Variants in ZNF266 observed in about 807,000 individuals in gnomAD.
ZNF266 encodes the protein zinc finger protein 266.
ZNF266 carries 16 observed loss-of-function variants against 16.4 expected under a neutral mutation model. The observed-to-expected ratio is 0.98, with a 90% CI of 0.66 to 1.48. The LOEUF is 1.48. Among genes scored for constraint, ZNF266 ranks in the 40% most tolerant of loss-of-function variants. ZNF266 has a pLI of 0.00. For missense variants in ZNF266, 738 were observed against 689.1 expected, an observed-to-expected ratio of 1.07 and a Z score of -0.79; for synonymous variants, 262 against 237.9, an observed-to-expected ratio of 1.10 and a Z score of -0.93.
Position 9,433,282 on chromosome 19 carries a change from C to A in ZNF266, c.-130+386G>T, listed in dbSNP as rs76875417. The stretch of plus-strand genomic sequence containing the variant: ...GGCCCCTTCACAGCTTTTTGGCAGC[C>A]CACATTGGCAGGTGAGTTTTCTGGT... On this transcript the variant is annotated intron_variant, in intron 5 of 10. Coordinates refer to ENST00000592904, the MANE Select transcript of ZNF266 (RefSeq NM_001370374.1). 2.6e-5 allele frequency among the ~76,000 whole-genome samples: 4 copies of A among 152,208 alleles called. No individual in the cohort carries two copies. The East Asian group carries it at 7.7e-4, about 29-fold the overall frequency.
chr19:9,428,316 C>G (rs1391974368), intron 5 of ZNF266, among the ~76,000 whole-genome samples: 1 of 152,184 alleles, frequency 6.6e-6, no homozygotes, highest in Admixed American at 6.5e-5. Context: ...AATCTCAGGC[C>G]CTTGGGTCTA....
intron 5 of ZNF266, among the ~76,000 whole-genome samples, chr19:9,433,116 T>A (rs1473989245): frequency 6.6e-6 from 1 of 152,066 alleles, no homozygotes; most frequent in East Asian, 1.9e-4. Context: ...GAAACCAGAG[T>A]ACCCAGAGAA....
At position 9,413,996 on chromosome 19, in the gene ZNF266, TGAG is replaced by T. The variant is rs762301039; in HGVS notation, c.1127_1129del (p.Ser376_Gln377delinsTer). On this transcript the variant is annotated stop_gained and inframe_deletion, in exon 11 of 11. Coordinates refer to ENST00000592904, the MANE Select transcript of ZNF266 (RefSeq NM_001370374.1). LOFTEE classifies it low-confidence loss of function (END_TRUNC). ...GTGAGTTTTTAAATGTTCAGTAAGT[TGAG>T]AAGATCTAGTGAAGGCTATCCCACA... 2 of 1,614,184 alleles carry T rather than the reference TGAG, an allele frequency of 1.2e-6. No homozygotes were observed. Among genetic ancestry groups the T allele is most frequent in the East Asian group, 4.5e-5 (2 of 44,884 alleles).
chr19:9,415,342 G>A (rs114702872), intron 10 of ZNF266, among the ~76,000 whole-genome samples: 1 of 152,142 alleles, frequency 6.6e-6, no homozygotes, highest in East Asian at 1.9e-4. Context: ...GCATCCCCAG[G>A]TCATCGTATT....
Position 9,414,181 on chromosome 19 carries a change from G to C in ZNF266, c.945C>G (p.Ala315=). 6.2e-7 allele frequency: 1 copy of C among 1,613,900 alleles called. No individual in the cohort carries two copies. The highest frequency in any genetic ancestry group is 8.5e-7 in the Non-Finnish European group (1 of 1,179,898). The change falls in exon 11 of 11, where the codon GCC becomes GCG. Residue 315 remains alanine (A), a synonymous_variant. Transcript: ENST00000592904. ...GAGTAAGTTGACAAGACCTGGTGAA[G>C]GCTTTCCCACACTCCTTACACTCAT... The part of the protein sequence containing the change: ...NPYECKECGK[A]FTRSCQLTQH...
chr19:9,432,627 CA>C (rs1476948501), intron 5 of ZNF266, among the ~76,000 whole-genome samples: 3 of 152,100 alleles, frequency 2.0e-5, no homozygotes, highest in African/African-American at 7.2e-5. Context: ...TTTCTGGTCA[CA>C]AAAACATCAC....
chr19:9,431,036 A>C (rs2071509114), intron 5 of ZNF266, among the ~76,000 whole-genome samples: 1 of 152,160 alleles, frequency 6.6e-6, no homozygotes, highest in Non-Finnish European at 1.5e-5. Flanking sequence ...CACCCAACAC[A>C]CCAGAACACC....
At position 9,414,310 on chromosome 19, in the gene ZNF266, AG is replaced by A. The variant is rs1413348473; in HGVS notation, c.815del (p.Thr272IlefsTer79). The stretch of plus-strand genomic sequence containing the variant: ...ATTTGTAGGGTTTTTCTGACCTGTG[AG>A]TTTGTATACGCACAGCAAGGTCTGT... ...HSTDLAVRIQ[T>X]HRSEKPYKCK... is the part of the protein sequence containing the mutation. On this transcript the variant is annotated frameshift_variant, in exon 11 of 11. Coordinates refer to ENST00000592904, the MANE Select transcript of ZNF266 (RefSeq NM_001370374.1). LOFTEE classifies it low-confidence loss of function (END_TRUNC). 1 of 1,614,002 alleles carries A rather than the reference AG, an allele frequency of 6.2e-7. No homozygotes were observed. The highest frequency in any genetic ancestry group is 1.3e-5 in the African/African-American group (1 of 75,024).
Position 9,413,661 on chromosome 19 carries a change from T to C in ZNF266, c.1465A>G (p.Asn489Asp). Residue 489 changes from asparagine to aspartate, a missense_variant, in exon 11 of 11, where the codon AAT becomes GAT. Coordinates refer to ENST00000592904, the MANE Select transcript of ZNF266 (RefSeq NM_001370374.1). ...KCGKAFAISS[N>D]LSGHLRIHTG... is the part of the protein sequence containing the mutation. ...TGAATTCTCAAATGTCCACTAAGAT[T>C]TGAAGAAATAGCAAAGGCTTTCCCA... 3 of 1,613,622 alleles carry C rather than the reference T, an allele frequency of 1.9e-6. No individual in the cohort carries two copies. Among genetic ancestry groups the C allele is most frequent in the Non-Finnish European group, 2.5e-6 (3 of 1,179,878 alleles).
In ZNF266 at chr19:9,416,804, TG is replaced by T. The variant is rs2069102452; in HGVS notation, c.316+1023del. ...CTCCTGCCTCAGCCTCCCTAGTAGC[TG>T]GGACTACAGGAGTGCGCCACCACGC... On this transcript the variant is annotated intron_variant, in intron 9 of 10. Coordinates refer to ENST00000592904, the MANE Select transcript of ZNF266 (RefSeq NM_001370374.1). Among the ~76,000 whole-genome samples the T allele has an allele frequency of 4.0e-5, 6 of 149,684 alleles. No homozygotes were observed. In the South Asian group the frequency reaches 1.1e-3, roughly 27 times the overall value.
At chr19:9,426,573 G>A (rs922002475) in intron 5 of ZNF266, among the ~76,000 whole-genome samples, 4 of 151,372 alleles carry the variant, frequency 2.6e-5, no homozygotes, top group South Asian at 2.1e-4. Context: ...TGAACTTTAA[G>A]TACTAAACAA....
rs568647870 is a variant in ZNF266, at chr19:9,412,636, C to A, written c.*639G>T. 2.0e-5 allele frequency: 3 copies of A among 152,298 alleles called. No individual in the cohort carries two copies. The highest frequency in any genetic ancestry group is 7.2e-5 in the African/African-American group (3 of 41,540). The allele number at this position is 152,298 out of a possible 1,614,324, so 9.4% of individuals were successfully genotyped here. On this transcript the variant is annotated 3_prime_UTR_variant, in exon 11 of 11. Coordinates refer to ENST00000592904, the MANE Select transcript of ZNF266 (RefSeq NM_001370374.1). The stretch of plus-strand genomic sequence containing the variant: ...AATTTATTGCCTCACAGTTCTGGAG[C>A]CTGGAAGTGCAATATCAAGGTGGAG...
intron 5 of ZNF266, among the ~76,000 whole-genome samples, chr19:9,430,953 C>T (rs1039326051): frequency 2.6e-5 from 4 of 152,136 alleles, no homozygotes; most frequent in Non-Finnish European, 4.4e-5. Flanking sequence ...ACCCTCTTCT[C>T]GCGGATCTGT....
At chr19:9,423,970 C>G (rs1461784774) in intron 5 of ZNF266, among the ~76,000 whole-genome samples, 1 of 152,120 alleles carries the variant, frequency 6.6e-6, no homozygotes, top group East Asian at 1.9e-4. Flanking sequence ...GCACTCCAGC[C>G]TGGGCGACAG....
chr19:9,423,502 C>G (rs1170742727), intron 5 of ZNF266, among the ~76,000 whole-genome samples: 1 of 152,202 alleles, frequency 6.6e-6, no homozygotes, highest in African/African-American at 2.4e-5. Context: ...TTGAAATCAA[C>G]TGGTTCCATC....
In ZNF266 at chr19:9,430,382, C is replaced by T. The variant is rs1319777195; in HGVS notation, c.-130+3286G>A. ...TCACCTTTTAAAGACCTTTCCTGAA[C>T]TCACTCTGTTCAGTCTCTCCCATCG... On this transcript the variant is annotated intron_variant, in intron 5 of 10. Coordinates refer to ENST00000592904, the MANE Select transcript of ZNF266 (RefSeq NM_001370374.1). 2.6e-5 allele frequency among the ~76,000 whole-genome samples: 4 copies of T among 152,216 alleles called. 1 individual carries two copies. The highest frequency in any genetic ancestry group is 2.1e-4 in the South Asian group (1 of 4,822).
chr19:9,420,783 A>AAG (rs982553739), intron 5 of ZNF266: 2 of 152,140 alleles, frequency 1.3e-5, no homozygotes, highest in Non-Finnish European at 2.9e-5. Context: ...GAAAAAGAAA[A>AAG]AAAAGAAAAC....
chr19:9,414,040 A>C lies in ZNF266; in HGVS notation c.1086T>G (p.Pro362=), dbSNP rs748514613. The change falls in exon 11 of 11, where the codon CCT becomes CCG. Residue 362 remains proline (P), a synonymous_variant. Coordinates refer to ENST00000592904, the MANE Select transcript of ZNF266 (RefSeq NM_001370374.1). ...QHMKIHVGEK[P]YECKECGIAF... ...CTATCCCACATTCCTTGCATTCATAAGGCTTCTCACCCACATGGATTTTCA... is the reference window on the plus strand; with the variant it reads ...CTATCCCACATTCCTTGCATTCATACGGCTTCTCACCCACATGGATTTTCA... The C allele has an allele frequency of 5.6e-6, 9 of 1,613,842 alleles. No homozygotes were observed. The highest frequency in any genetic ancestry group is 7.6e-6 in the Non-Finnish European group (9 of 1,179,994).
chr19:9,425,695 T>G (rs1252514097), intron 5 of ZNF266, among the ~76,000 whole-genome samples: 1 of 152,204 alleles, frequency 6.6e-6, no homozygotes, highest in East Asian at 1.9e-4. Flanking sequence ...TGTGAAGCAC[T>G]GCCAATACTC....
Sources: gnomAD v4.1 joint callset for allele counts (sites outside exome capture counted in the v4.1 genomes callset) on GRCh38, gnomAD v4.1.1 for gene constraint, MANE v1.5 for transcripts, NCBI Gene and HGNC (gene_info 2026-07-23, HGNC 2026-07-21) for gene names.